DPP6: variants seen among roughly 807,000 people sequenced by gnomAD.
The protein encoded by DPP6 is dipeptidyl peptidase like 6, also known as A-type potassium channel modulatory protein DPP6.
DPP6 carries 69 observed loss-of-function variants against 122.6 expected under a neutral mutation model. The observed-to-expected ratio is 0.56, with a 90% CI of 0.46 to 0.69. The LOEUF (loss-of-function observed/expected upper bound fraction) is 0.69. Ranked by LOEUF, DPP6 falls within the 30% of genes least tolerant of loss-of-function variation. DPP6 has a pLI of 0.00. For missense variants in DPP6, 928 were observed against 1,116.9 expected (o/e 0.83, Z 2.41); for synonymous variants, 418 against 433.1 (o/e 0.97, Z 0.43).
chr7:154,292,777 C>T (rs6961080), intron 1 of DPP6, among the ~76,000 whole-genome samples: 73,806 of 151,996 alleles, frequency 0.49, 19,319 homozygotes, highest in African/African-American at 0.7. Context: ...GTTCCAATAG[C>T]TCATAGGAAA....
chr7:153,896,672 A>T (rs1298421442), intron 1 of DPP6, among the ~76,000 whole-genome samples: 1 of 152,018 alleles, frequency 6.6e-6, no homozygotes, highest in African/African-American at 2.4e-5. Flanking sequence ...CCAGAAGTTG[A>T]TATTATATTA....
intron 1 of DPP6, among the ~76,000 whole-genome samples, chr7:154,370,180 G>A (rs567477417): frequency 4.2e-4 from 63 of 151,650 alleles, no homozygotes; most frequent in African/African-American, 1.5e-3. Flanking sequence ...ACAGGGTTTC[G>A]CCATGTTGGC....
chr7:154,353,551 T>C (rs1811046445), intron 1 of DPP6, among the ~76,000 whole-genome samples: 1 of 152,176 alleles, frequency 6.6e-6, no homozygotes, highest in Non-Finnish European at 1.5e-5. Context: ...CATGTGTGTC[T>C]CTTCTGGCAA....
At chr7:153,771,583 A>C in the DPP6 span, among the ~76,000 whole-genome samples, 61 of 152,138 alleles carry the variant, frequency 4.0e-4, no homozygotes, top group Admixed American at 3.7e-3. Flanking sequence ...GAAGTGATCC[A>C]CCTGCCTCGG....
In DPP6 at chr7:153,928,249, C is replaced by T. The variant is rs201725525; in HGVS notation, c.51+40515C>T. On this transcript the variant is annotated intron_variant, in intron 1 of 25. Coordinates refer to the DPP6 transcript ENST00000404039. ...TTTTTTGAGATGGAGTTTCATGCTG[C>T]TGCCCAGGCTGGAGTTCAGTGGCAC... 1.3e-4 allele frequency among the ~76,000 whole-genome samples: 19 copies of T among 149,402 alleles called. No individual in the cohort carries two copies. In the East Asian group the frequency reaches 3.7e-3, roughly 29 times the overall value.
chr7:153,775,617 T>C, the DPP6 span, among the ~76,000 whole-genome samples: 1 of 152,038 alleles, frequency 6.6e-6, no homozygotes, highest in East Asian at 1.9e-4. Context: ...AATAAAGGCC[T>C]CAAAATTTGA....
the DPP6 span, among the ~76,000 whole-genome samples, chr7:153,781,380 T>C: frequency 6.6e-6 from 1 of 152,204 alleles, no homozygotes; most frequent in Non-Finnish European, 1.5e-5. Context: ...GTTGCAGCAT[T>C]GGGCAGTAAT....
At chr7:154,102,857 G>A (rs972435753) in intron 1 of DPP6, among the ~76,000 whole-genome samples, 2 of 152,060 alleles carry the variant, frequency 1.3e-5, no homozygotes, top group Non-Finnish European at 2.9e-5. Flanking sequence ...CTAAAATCAG[G>A]CCACTTTAAG....
intron 4 of DPP6, among the ~76,000 whole-genome samples, chr7:154,554,690 ACTGGTAGCCC>A (rs1380462564): frequency 3.3e-5 from 5 of 152,202 alleles, no homozygotes; most frequent in African/African-American, 7.2e-5. Flanking sequence ...TATTGATATA[ACTGGTAGCCC>A]CAGATAATGC....
chr7:154,159,217 A>G lies in DPP6; in HGVS notation c.243+106154A>G, dbSNP rs546229366. Among the ~76,000 whole-genome samples, 1,094 of 151,868 alleles carry G rather than the reference A, an allele frequency of 7.2e-3. 15 individuals carry two copies. Among genetic ancestry groups the G allele is most frequent in the African/African-American group, 0.023 (954 of 41,406 alleles). ...GAGCCCCTGCTCCGTGGTTCCTGGC[A>G]CCTCTCTTGGCCTCTTCTTGGCGTT... is the stretch of plus-strand genomic sequence containing the variant. On this transcript the variant is annotated intron_variant, in intron 1 of 25. Coordinates refer to ENST00000377770, the MANE Select transcript of DPP6 (RefSeq NM_130797.4).
chr7:154,759,092 G>A (rs998282980), intron 8 of DPP6, among the ~76,000 whole-genome samples: 2 of 152,172 alleles, frequency 1.3e-5, no homozygotes, highest in Non-Finnish European at 1.5e-5. Flanking sequence ...TGGAAGCAAA[G>A]GCCCATGAAG....
At chr7:154,635,053 G>A (rs777610195) in intron 5 of DPP6, among the ~76,000 whole-genome samples, 26 of 152,122 alleles carry the variant, frequency 1.7e-4, no homozygotes, top group Non-Finnish European at 2.8e-4. Flanking sequence ...TGAGAGTTAC[G>A]AGATACAAGC....
chr7:154,587,490 A>G (rs1162684598), intron 5 of DPP6: 3 of 754,192 alleles, frequency 4.0e-6, no homozygotes, highest in Non-Finnish European at 6.3e-6. Context: ...ACACAGCTTC[A>G]TGCAAAATAT....
chr7:154,831,326 G>A (rs1174211652), intron 16 of DPP6, among the ~76,000 whole-genome samples: 1 of 152,228 alleles, frequency 6.6e-6, no homozygotes, highest in Non-Finnish European at 1.5e-5. Context: ...AGGCCACAGT[G>A]CTGTGGTAGA....
intron 8 of DPP6, among the ~76,000 whole-genome samples, chr7:154,758,525 C>T (rs1414899781): frequency 6.6e-6 from 1 of 152,028 alleles, no homozygotes; most frequent in African/African-American, 2.4e-5. Context: ...GCATGCACCG[C>T]CACGTCCAGC....
chr7:154,693,572 G>T (rs1325717365), intron 7 of DPP6, among the ~76,000 whole-genome samples: 3 of 152,268 alleles, frequency 2.0e-5, no homozygotes, highest in Admixed American at 6.5e-5. Context: ...CCAGGTGGGT[G>T]GGAGGCCCCT....
intron 1 of DPP6, among the ~76,000 whole-genome samples, chr7:154,409,552 A>G (rs1326882927): frequency 6.6e-6 from 1 of 152,198 alleles, no homozygotes; most frequent in Middle Eastern, 3.2e-3. Context: ...TATGTTGTTT[A>G]TATCGTGGCT....
At chr7:154,113,630 C>CTTTTTTTTTTTTTTTTTTTTTTTTTT (rs1806766922) in intron 1 of DPP6, among the ~76,000 whole-genome samples, 1 of 151,396 alleles carries the variant, frequency 6.6e-6, no homozygotes, top group African/African-American at 2.5e-5. Context: ...GTTTCTTGTG[C>CTTTTTTTTTTTTTTTTTTTTTTTTTT]TTTTGGTGTC....
At chr7:154,777,726 C>T (rs959760921) in intron 10 of DPP6, among the ~76,000 whole-genome samples, 6 of 152,048 alleles carry the variant, frequency 3.9e-5, no homozygotes, top group African/African-American at 9.7e-5. Flanking sequence ...TTGGATGCAG[C>T]GCAGCTGCTC....
Sources: allele counts gnomAD v4.1 joint callset (sites outside exome capture counted in the v4.1 genomes callset), GRCh38; gene constraint gnomAD v4.1.1; transcripts MANE v1.5; gene names NCBI Gene and HGNC (gene_info 2026-07-23, HGNC 2026-07-21).